KIF26B: variants seen among roughly 807,000 people sequenced by gnomAD.
KIF26B encodes kinesin-like protein KIF26B.
KIF26B carries 63 observed loss-of-function variants against 151.2 expected under a neutral mutation model. The observed-to-expected ratio is 0.42, with a 90% confidence interval of 0.34 to 0.51. The LOEUF is 0.51. Ranked by LOEUF, KIF26B falls within the 20% of genes least tolerant of loss-of-function variation. The pLI is 0.07. For synonymous variants in KIF26B, 1,357 were observed against 1,262.1 expected, an observed-to-expected ratio of 1.08 and a Z score of -1.59; for missense variants, 2,813 against 2,913.6, an observed-to-expected ratio of 0.97 and a Z score of 0.79.
chr1:245,300,838 A>AT (rs1448168974), intron 2 of KIF26B, among the ~76,000 whole-genome samples: 1 of 141,428 alleles, frequency 7.1e-6, no homozygotes, highest in African/African-American at 2.7e-5. Context: ...CGAATTTTTA[A>AT]TTTTTTTATT....
intron 2 of KIF26B, among the ~76,000 whole-genome samples, chr1:245,173,325 G>A (rs543126539): frequency 5.9e-5 from 9 of 152,244 alleles, no homozygotes; most frequent in South Asian, 4.1e-4. Flanking sequence ...TGAGCTGCAC[G>A]CTGAAAAATT....
chr1:245,288,462 C>T (rs1352697209), intron 2 of KIF26B, among the ~76,000 whole-genome samples: 2 of 152,166 alleles, frequency 1.3e-5, no homozygotes, highest in East Asian at 3.9e-4. Context: ...TAGCTGATGC[C>T]AAAGAGTATT....
chr1:245,570,971 C>T (rs1341361289), intron 5 of KIF26B, among the ~76,000 whole-genome samples: 1 of 152,176 alleles, frequency 6.6e-6, no homozygotes, highest in African/African-American at 2.4e-5. Context: ...TAAAATCTAA[C>T]ATAATGAGTG....
At chr1:245,679,058 C>T (rs1230995234) in intron 10 of KIF26B, among the ~76,000 whole-genome samples, 2 of 152,100 alleles carry the variant, frequency 1.3e-5, no homozygotes, top group East Asian at 1.9e-4. Context: ...ATACTGTTTC[C>T]CGGTTACTCT....
chr1:245,242,952 A>T (rs957613971), intron 2 of KIF26B, among the ~76,000 whole-genome samples: 1 of 152,086 alleles, frequency 6.6e-6, no homozygotes, highest in Non-Finnish European at 1.5e-5. Flanking sequence ...GCCCAGCCAT[A>T]TGTGGTTTAT....
intron 10 of KIF26B, among the ~76,000 whole-genome samples, chr1:245,648,841 T>C (rs2043981665): frequency 1.3e-5 from 2 of 152,138 alleles, no homozygotes; most frequent in South Asian, 2.1e-4. Context: ...TTAAAGTGTT[T>C]CTGTGTCTCA....
At chr1:245,656,364 T>C (rs2147929378) in intron 10 of KIF26B, among the ~76,000 whole-genome samples, 1 of 152,216 alleles carries the variant, frequency 6.6e-6, no homozygotes, top group East Asian at 1.9e-4. Context: ...TCTAAATGCC[T>C]GAGTCATTCA....
In KIF26B at chr1:245,369,451, G is replaced by A. The variant is rs573841816; in HGVS notation, c.999+2084G>A. Among the ~76,000 whole-genome samples, 158 of 152,296 alleles carry A rather than the reference G, an allele frequency of 1.0e-3. 1 individual carries two copies. Among genetic ancestry groups the A allele is most frequent in the Admixed American group, 2.6e-3 (39 of 15,290 alleles). ...GCTATCTTGAAAGAAAGTGGGAAAC[G>A]TTGATCATTATCCTAAGATATTAGC... is the stretch of plus-strand genomic sequence containing the variant. On this transcript the variant is annotated intron_variant, in intron 3 of 14. Transcript: ENST00000407071.
chr1:245,658,600 C>T (rs1342765105), intron 10 of KIF26B, among the ~76,000 whole-genome samples: 1 of 152,126 alleles, frequency 6.6e-6, no homozygotes, highest in African/African-American at 2.4e-5. Context: ...CCATGTTGCC[C>T]AGGCTGGCTT....
intron 2 of KIF26B, among the ~76,000 whole-genome samples, chr1:245,217,457 G>A (rs1291881240): frequency 6.6e-6 from 1 of 151,502 alleles, no homozygotes; most frequent in Non-Finnish European, 1.5e-5. Context: ...CTCCGCTGCT[G>A]GGGTTCAAGC....
chr1:245,282,901 C>A, intron 2 of KIF26B: 1 of 307,244 alleles, frequency 3.3e-6, no homozygotes, highest in South Asian at 4.0e-5. Flanking sequence ...AGTATTAATG[C>A]TGCTTCCCAT....
At chr1:245,666,526 T>G (rs1009422245) in intron 10 of KIF26B, among the ~76,000 whole-genome samples, 2 of 152,092 alleles carry the variant, frequency 1.3e-5, no homozygotes, top group African/African-American at 2.4e-5. Context: ...ACATGCTTGT[T>G]GAATGAACAA....
intron 2 of KIF26B, among the ~76,000 whole-genome samples, chr1:245,162,066 G>A (rs747813959): frequency 2.4e-4 from 36 of 152,194 alleles, no homozygotes; most frequent in Non-Finnish European, 4.7e-4. Context: ...CGAGGGCCCC[G>A]TCCTGACCTT....
At chr1:245,673,471 G>A (rs1019370498) in intron 10 of KIF26B, among the ~76,000 whole-genome samples, 7 of 152,232 alleles carry the variant, frequency 4.6e-5, no homozygotes, top group African/African-American at 1.7e-4. Context: ...TTTGCTTAGG[G>A]GGCAGATAGA....
intron 9 of KIF26B, among the ~76,000 whole-genome samples, chr1:245,617,768 C>T (rs927731648): frequency 6.6e-6 from 1 of 152,184 alleles, no homozygotes; most frequent in Admixed American, 6.5e-5. Context: ...CGTTTCTAAT[C>T]TTCTCAAGCC....
At position 245,588,353 on chromosome 1, in the gene KIF26B, TGA is replaced by T; in HGVS notation, c.1351-14222_1351-14221del. On this transcript the variant is annotated intron_variant, in intron 5 of 14. Transcript: ENST00000407071. ...ATTCTGCTTTGAACTCCTGCTGCTTTGAGTCTCCCACTGCCAGCAAGCACTTC... is the reference window on the plus strand; with the variant it reads ...ATTCTGCTTTGAACTCCTGCTGCTTTGTCTCCCACTGCCAGCAAGCACTTC... Among the ~76,000 whole-genome samples the T allele has an allele frequency of 2.0e-5, 3 of 152,310 alleles. 1 individual carries two copies. Among genetic ancestry groups the T allele is most frequent in the Middle Eastern group, 3.4e-3 (1 of 294 alleles).
chr1:245,691,170 A>G (rs1396178776), intron 12 of KIF26B, among the ~76,000 whole-genome samples: 1 of 151,972 alleles, frequency 6.6e-6, no homozygotes, highest in Non-Finnish European at 1.5e-5. Flanking sequence ...TTTCCCCAAG[A>G]CTTTTATTGT....
intron 2 of KIF26B, among the ~76,000 whole-genome samples, chr1:245,271,582 CTT>C (rs541575144): frequency 5.2e-4 from 66 of 126,946 alleles, no homozygotes; most frequent in African/African-American, 1.4e-3. Flanking sequence ...CAGTCAAATG[CTT>C]TTTTTTTTTT....
At chr1:245,220,253 G>C (rs1214779718) in intron 2 of KIF26B, among the ~76,000 whole-genome samples, 1 of 152,188 alleles carries the variant, frequency 6.6e-6, no homozygotes, top group Admixed American at 6.5e-5. Flanking sequence ...ATCACCGATA[G>C]GAAAGTCATC....
Sources: gnomAD v4.1 joint callset for allele counts (sites outside exome capture counted in the v4.1 genomes callset) on GRCh38, gnomAD v4.1.1 for gene constraint, MANE v1.5 for transcripts, NCBI Gene and HGNC (gene_info 2026-07-23, HGNC 2026-07-21) for gene names.